GRM7: variants seen among roughly 807,000 people sequenced by gnomAD.
GRM7 encodes the protein glutamate metabotropic receptor 7, also known as metabotropic glutamate receptor 7.
GRM7 carries 35 observed loss-of-function variants against 84.5 expected under a neutral mutation model. The observed-to-expected ratio is 0.41, with a 90% CI of 0.32 to 0.55. The LOEUF (loss-of-function observed/expected upper bound fraction) is 0.55, where lower values mean the gene tolerates loss of function less well. Among genes scored for constraint, GRM7 ranks in the 20% least tolerant of loss-of-function variants. The pLI is 0.19. For missense variants in GRM7, 1,003 were observed against 1,194.6 expected, an observed-to-expected ratio of 0.84 and a Z score of 2.36; for synonymous variants, 487 against 455.1, an observed-to-expected ratio of 1.07 and a Z score of -0.89.
At position 7,153,819 on chromosome 3, in the gene GRM7, CAAAA is replaced by C. The variant is rs5846492; in HGVS notation, c.736+7157_736+7160del. Among the ~76,000 whole-genome samples, 3 of 149,634 alleles carry C rather than the reference CAAAA, an allele frequency of 2.0e-5. No homozygotes were observed. In the East Asian group the frequency reaches 5.9e-4, roughly 30 times the overall value. On this transcript the variant is annotated intron_variant, in intron 2 of 9. Transcript: ENST00000357716. The stretch of plus-strand genomic sequence containing the variant: ...AATTCTAGTAGAAACAACAATAGGA[CAAAA>C]AAAAACCCCTCTGTTTTCAAAGAGT...
At chr3:6,983,016 T>C (rs1210524938) in intron 1 of GRM7, among the ~76,000 whole-genome samples, 2 of 152,216 alleles carry the variant, frequency 1.3e-5, no homozygotes, top group East Asian at 1.9e-4. Flanking sequence ...TTGCTTACCA[T>C]GGCTTTTGAA....
chr3:7,001,916 A>G (rs1695026930), intron 1 of GRM7, among the ~76,000 whole-genome samples: 1 of 152,144 alleles, frequency 6.6e-6, no homozygotes, highest in Non-Finnish European at 1.5e-5. Context: ...GTGTGCATGG[A>G]CTCTTACTGT....
At chr3:7,045,181 A>G (rs761462442) in intron 1 of GRM7, among the ~76,000 whole-genome samples, 13 of 152,152 alleles carry the variant, frequency 8.5e-5, no homozygotes, top group Non-Finnish European at 1.8e-4. Flanking sequence ...CAGCGGTAAT[A>G]AATTGTACAA....
chr3:7,002,096 C>T (rs1230118541), intron 1 of GRM7, among the ~76,000 whole-genome samples: 1 of 152,142 alleles, frequency 6.6e-6, no homozygotes, highest in Non-Finnish European at 1.5e-5. Flanking sequence ...TTTCTTATAT[C>T]TCTTGCTTTA....
chr3:7,590,931 C>G (rs1695753545), intron 8 of GRM7, among the ~76,000 whole-genome samples: 1 of 152,190 alleles, frequency 6.6e-6, no homozygotes, highest in Non-Finnish European at 1.5e-5. Flanking sequence ...TGCTCTGTCT[C>G]TAGTTCTACT....
At chr3:7,321,586 C>T (rs1193971791) in intron 4 of GRM7, among the ~76,000 whole-genome samples, 1 of 151,222 alleles carries the variant, frequency 6.6e-6, no homozygotes, top group Admixed American at 6.6e-5. Flanking sequence ...GTTTAACACT[C>T]TTGGGTTTGT....
intron 9 of GRM7, among the ~76,000 whole-genome samples, chr3:7,692,191 C>T (rs148453135): frequency 3.3e-5 from 5 of 152,282 alleles, no homozygotes; most frequent in African/African-American, 1.2e-4. Context: ...ATCAGTCACT[C>T]AGCAAAGCTG....
chr3:7,417,771 AT>A (rs573777547), intron 5 of GRM7, among the ~76,000 whole-genome samples: 10 of 151,120 alleles, frequency 6.6e-5, no homozygotes, highest in African/African-American at 1.5e-4. Flanking sequence ...AATGTAGGCC[AT>A]TTTTTTTTCT....
intron 4 of GRM7, among the ~76,000 whole-genome samples, chr3:7,310,477 A>G (rs544075365): frequency 1.3e-5 from 2 of 152,330 alleles, no homozygotes; most frequent in African/African-American, 4.8e-5. Flanking sequence ...TCCAATTTAG[A>G]TATGCCCTAC....
chr3:7,210,810 T>A (rs1696399196), intron 2 of GRM7, among the ~76,000 whole-genome samples: 1 of 152,086 alleles, frequency 6.6e-6, no homozygotes. Context: ...TGTTTTTTTT[T>A]TTTTTTGAGG....
intron 4 of GRM7, among the ~76,000 whole-genome samples, chr3:7,375,154 C>T (rs1003514534): frequency 1.3e-5 from 2 of 151,448 alleles, no homozygotes; most frequent in African/African-American, 4.9e-5. Context: ...CAATCAAGTC[C>T]ATACTGCTCA....
chr3:7,128,829 C>A (rs1157423876), intron 1 of GRM7, among the ~76,000 whole-genome samples: 1 of 151,906 alleles, frequency 6.6e-6, no homozygotes, highest in Non-Finnish European at 1.5e-5. Flanking sequence ...ATTGCCCAAA[C>A]TGGAGCAGGT....
intron 4 of GRM7, among the ~76,000 whole-genome samples, chr3:7,395,167 T>C (rs1247278953): frequency 6.6e-6 from 1 of 152,168 alleles, no homozygotes; most frequent in African/African-American, 2.4e-5. Context: ...AAAATATGGA[T>C]CCAAAATAGA....
At chr3:7,525,231 A>G (rs1359843984) in intron 7 of GRM7, among the ~76,000 whole-genome samples, 2 of 152,010 alleles carry the variant, frequency 1.3e-5, no homozygotes, top group African/African-American at 2.4e-5. Flanking sequence ...TAACCTGGAC[A>G]TTGTGCACAT....
In GRM7 at chr3:7,680,125, C is replaced by G; in HGVS notation, c.2528C>G (p.Pro843Arg). Residue 843 changes from proline to arginine, a missense_variant, in exon 9 of 10, where the codon CCG becomes CGG. Pro to Arg is a moderately radical substitution (Grantham distance 103). Transcript: ENST00000357716. Reference protein sequence around the residue: ...ASVALGMLYMPKVYIIIFHPE... With the variant: ...ASVALGMLYMRKVYIIIFHPE... ...GTGGCGCTGGGGATGCTATACATGC[C>G]GAAAGTGTACATCATCATTTTCCAC... 1.9e-6 allele frequency: 3 copies of G among 1,613,918 alleles called. No individual in the cohort carries two copies. Among genetic ancestry groups the G allele is most frequent in the Non-Finnish European group, 2.5e-6 (3 of 1,179,852 alleles).
chr3:6,916,405 G>A (rs1391175642), intron 1 of GRM7, among the ~76,000 whole-genome samples: 1 of 152,212 alleles, frequency 6.6e-6, no homozygotes, highest in Non-Finnish European at 1.5e-5. Flanking sequence ...TGAGACCAGA[G>A]GAATGCATTA....
chr3:7,406,288 C>T (rs1156882784), intron 4 of GRM7, among the ~76,000 whole-genome samples: 3 of 152,010 alleles, frequency 2.0e-5, no homozygotes, highest in Non-Finnish European at 4.4e-5. Context: ...ATCACGAGGT[C>T]AGGAGATGGA....
At chr3:6,887,920 A>T (rs931692129) in intron 1 of GRM7, among the ~76,000 whole-genome samples, 1 of 152,154 alleles carries the variant, frequency 6.6e-6, no homozygotes, top group African/African-American at 2.4e-5. Context: ...AATGATTGCC[A>T]TTCTAACTGG....
At chr3:7,297,813 C>T (rs369728827) in intron 2 of GRM7, among the ~76,000 whole-genome samples, 3 of 152,118 alleles carry the variant, frequency 2.0e-5, no homozygotes, top group Admixed American at 6.5e-5. Flanking sequence ...ACAAATATTT[C>T]CTCTACCCTT....
Sources: allele counts gnomAD v4.1 joint callset (sites outside exome capture counted in the v4.1 genomes callset), GRCh38; gene constraint gnomAD v4.1.1; transcripts MANE v1.5; gene names NCBI Gene and HGNC (gene_info 2026-07-23, HGNC 2026-07-21).